The following CCDC38 variants were observed in gnomAD, a reference collection of about 807,000 sequenced individuals.
CCDC38 encodes the protein coiled-coil domain-containing protein 38.
CCDC38 carries 69 observed loss-of-function variants against 72.8 expected under a neutral mutation model. The ratio of observed to expected loss-of-function variants is 0.95; its 90% CI spans 0.78 to 1.16. The LOEUF (loss-of-function observed/expected upper bound fraction) is 1.16. Ranked by LOEUF, CCDC38 falls within the 50% of genes most tolerant of loss-of-function variation. CCDC38 has a pLI of 0.00. For missense variants in CCDC38, 626 were observed against 638.9 expected (o/e 0.98, Z 0.22); for synonymous variants, 201 against 213.2 (o/e 0.94, Z 0.50).
In CCDC38 at chr12:95,915,139, G is replaced by A. The variant is rs555089521; in HGVS notation, c.304+1990C>T. On this transcript the variant is annotated intron_variant, in intron 4 of 15. Coordinates refer to ENST00000344280, the MANE Select transcript of CCDC38 (RefSeq NM_182496.3). ...TACTTTGACATGGTACTCTCTGGCT[G>A]AGTTGATAGAATTTTATTCTTCAAC... Among the ~76,000 whole-genome samples, 49 of 152,312 alleles carry A rather than the reference G, an allele frequency of 3.2e-4. 1 individual carries two copies. Among genetic ancestry groups the A allele is most frequent in the Admixed American group, 1.1e-3 (17 of 15,298 alleles).
rs1279778620 is a variant in CCDC38, at chr12:95,869,572, A to T, written c.1486T>A (p.Phe496Ile). Residue 496 changes from phenylalanine to isoleucine, a missense_variant and splice_region_variant, in exon 15 of 16, where the codon TTT becomes ATT. Coordinates refer to ENST00000344280, the MANE Select transcript of CCDC38 (RefSeq NM_182496.3). ...TTTTCTTTCATTTTCTCATCACGAAACCTGTCACAAGAAGGGAGAAACATT... is the reference window on the plus strand; with the variant it reads ...TTTTCTTTCATTTTCTCATCACGAATCCTGTCACAAGAAGGGAGAAACATT... ...RMKQKEWRQK[F>I]RDEKMKEKQR... The T allele has an allele frequency of 6.2e-7, 1 of 1,610,414 alleles. No homozygotes were observed. Among genetic ancestry groups the T allele is most frequent in the Non-Finnish European group, 8.5e-7 (1 of 1,177,556 alleles).
At position 95,879,900 on chromosome 12, in the gene CCDC38, G is replaced by T; in HGVS notation, c.991-105C>A. The T allele has an allele frequency of 2.5e-6, 2 of 807,858 alleles. No homozygotes were observed. The highest frequency in any genetic ancestry group is 3.8e-6 in the Non-Finnish European group (2 of 530,952). The allele number at this position is 807,858 out of a possible 1,614,324, so 50.0% of individuals were successfully genotyped here. ...TGGGGTAAAGGAAGACAGTTCTAAG[G>T]ATGAGGGAGACACAGGTAGGAACTT... is the stretch of plus-strand genomic sequence containing the variant. On this transcript the variant is annotated intron_variant, in intron 11 of 15. Transcript: ENST00000344280. The surrounding 1 kb of genome is among the most constrained non-coding windows in gnomAD (Gnocchi z 5.5).
At chr12:95,882,182 G>A (rs1592759749) in intron 10 of CCDC38, among the ~76,000 whole-genome samples, 2 of 152,186 alleles carry the variant, frequency 1.3e-5, no homozygotes, top group African/African-American at 4.8e-5. Flanking sequence ...AGCAGGGATA[G>A]GGAGAGAGTA....
At chr12:95,903,481 G>A (rs1476593326) in intron 5 of CCDC38, 10 of 700,140 alleles carry the variant, frequency 1.4e-5, no homozygotes, top group Admixed American at 8.0e-5. Flanking sequence ...TAGGGGGAAA[G>A]CATTCAGTCT....
At chr12:95,906,313 G>T in intron 5 of CCDC38, 74 bp downstream of exon 5, 1 of 1,097,934 alleles carries the variant, frequency 9.1e-7, no homozygotes, top group Non-Finnish European at 1.4e-6. Flanking sequence ...CAAGCAAAAT[G>T]TCAAGGTAAA....
intron 14 of CCDC38, among the ~76,000 whole-genome samples, chr12:95,870,156 T>C (rs2079565582): frequency 6.6e-6 from 1 of 152,210 alleles, no homozygotes; most frequent in Admixed American, 6.5e-5. Flanking sequence ...TTCCTCTTTT[T>C]AAAACTTTTA....
At chr12:95,877,361 G>A (rs189657340) in intron 13 of CCDC38, among the ~76,000 whole-genome samples, 73 of 152,236 alleles carry the variant, frequency 4.8e-4, no homozygotes, top group African/African-American at 1.7e-3. Flanking sequence ...AGTTGGTCTG[G>A]CAATAATTTC....
intron 5 of CCDC38, among the ~76,000 whole-genome samples, chr12:95,904,316 G>A (rs187185073): frequency 1.3e-3 from 198 of 152,326 alleles, no homozygotes; most frequent in Admixed American, 2.5e-3. Flanking sequence ...TAGCCAAATT[G>A]AAAATTTCAT....
chr12:95,898,319 C>A (rs2079912900), intron 7 of CCDC38, 66 bp downstream of exon 7: 1 of 1,445,252 alleles, frequency 6.9e-7, no homozygotes, highest in African/African-American at 1.4e-5. Context: ...TTAGGTCTTA[C>A]CTGGCATGAA....
rs370408931 is a variant in CCDC38, at chr12:95,897,610, C to CAA, written c.614+773_614+774dup. Among the ~76,000 whole-genome samples the CAA allele has an allele frequency of 3.5e-3, 261 of 75,070 alleles. 1 individual carries two copies. Among genetic ancestry groups the CAA allele is most frequent in the South Asian group, 0.012 (26 of 2,238 alleles). The allele number at this position is 75,070 out of a possible 152,430, so 49.2% of individuals were successfully genotyped here. On this transcript the variant is annotated intron_variant, in intron 7 of 15. Coordinates refer to ENST00000344280, the MANE Select transcript of CCDC38 (RefSeq NM_182496.3). ...GGGCAACAAAAGTGAAACTCCCTCTCAAAAAAAAAAAAAAAAAAAAAAATT... is the reference window on the plus strand; with the variant it reads ...GGGCAACAAAAGTGAAACTCCCTCTCAAAAAAAAAAAAAAAAAAAAAAAAATT...
intron 2 of CCDC38, among the ~76,000 whole-genome samples, chr12:95,923,145 C>T (rs1264269869): frequency 6.6e-6 from 1 of 152,102 alleles, no homozygotes; most frequent in Non-Finnish European, 1.5e-5. Context: ...GGAACTCACA[C>T]CATCAGTTCC....
At chr12:95,895,454 T>G (rs1337331832) in intron 7 of CCDC38, among the ~76,000 whole-genome samples, 1 of 151,936 alleles carries the variant, frequency 6.6e-6, no homozygotes, top group Non-Finnish European at 1.5e-5. Context: ...AGGGAGAAAT[T>G]AGAAGGTAGC....
chr12:95,935,751 A>G (rs1253287083), intron 2 of CCDC38, among the ~76,000 whole-genome samples: 1 of 152,190 alleles, frequency 6.6e-6, no homozygotes, highest in Non-Finnish European at 1.5e-5. Flanking sequence ...TTCCTTATAT[A>G]CCAATAAATA....
chr12:95,894,483 GT>G lies in CCDC38; in HGVS notation c.772+505del, dbSNP rs925712407. On this transcript the variant is annotated intron_variant, in intron 8 of 15. Transcript: ENST00000344280. Reference sequence around the variant, plus strand: ...GTGGGGCTTAGTGAAAGATGCTTAGGTCATGGGGGTAGACTCCTTATGAATG... The same window carrying G: ...GTGGGGCTTAGTGAAAGATGCTTAGGCATGGGGGTAGACTCCTTATGAATG... 3.3e-5 allele frequency among the ~76,000 whole-genome samples: 5 copies of G among 152,170 alleles called. 1 individual carries two copies. The highest frequency in any genetic ancestry group is 1.3e-4 in the Admixed American group (2 of 15,282).
At chr12:95,929,213 T>C (rs1209147845) in intron 2 of CCDC38, among the ~76,000 whole-genome samples, 2 of 152,208 alleles carry the variant, frequency 1.3e-5, no homozygotes, top group East Asian at 3.9e-4. Context: ...TAGGACCCTC[T>C]GAGCCAGGTG....
At chr12:95,925,625 C>G (rs1376726426) in intron 2 of CCDC38, among the ~76,000 whole-genome samples, 8 of 152,152 alleles carry the variant, frequency 5.3e-5, no homozygotes, top group East Asian at 3.8e-4. Context: ...TTCCAGTTTT[C>G]AAAGGGAATG....
chr12:95,914,231 C>T (rs985188293), intron 4 of CCDC38, among the ~76,000 whole-genome samples: 5 of 152,106 alleles, frequency 3.3e-5, no homozygotes, highest in African/African-American at 9.7e-5. Flanking sequence ...GGCTGGGGCA[C>T]GAGAATTGCT....
chr12:95,932,914 G>A (rs961730235), intron 2 of CCDC38, among the ~76,000 whole-genome samples: 1 of 152,160 alleles, frequency 6.6e-6, no homozygotes, highest in African/African-American at 2.4e-5. Flanking sequence ...TAATGGACTA[G>A]AATGGAAATC....
chr12:95,881,419 G>T, intron 11 of CCDC38, 66 bp downstream of exon 11: 1 of 1,187,608 alleles, frequency 8.4e-7, no homozygotes, highest in Non-Finnish European at 1.2e-6. Context: ...AATTTCAAAA[G>T]AATAAATGAT....
Sources: gnomAD v4.1 joint callset for allele counts (sites outside exome capture counted in the v4.1 genomes callset) on GRCh38, gnomAD v4.1.1 for gene constraint, Gnocchi (gnomAD v3.1) non-coding constraint, MANE v1.5 for transcripts, NCBI Gene and HGNC (gene_info 2026-07-23, HGNC 2026-07-21) for gene names.